The following RPTOR variants were observed in gnomAD, a reference collection of about 807,000 sequenced individuals.
RPTOR encodes regulatory-associated protein of mTOR.
In RPTOR, 21 loss-of-function variants were observed where a neutral mutation model predicts 169.9. The observed-to-expected ratio is 0.12, with a 90% CI of 0.09 to 0.18. The LOEUF (loss-of-function observed/expected upper bound fraction) is 0.18, where lower values mean the gene tolerates loss of function less well. RPTOR is among the 10% of genes least tolerant of loss of function. RPTOR has a pLI of 1.00. For synonymous variants in RPTOR, 732 were observed against 753.2 expected, an observed-to-expected ratio of 0.97 and a Z score of 0.46; for missense variants, 1,133 against 1,855.9, an observed-to-expected ratio of 0.61 and a Z score of 7.16.
At chr17:80,741,371 TA>T (rs1431727320) in intron 5 of RPTOR, among the ~76,000 whole-genome samples, 1 of 152,090 alleles carries the variant, frequency 6.6e-6, no homozygotes, top group Non-Finnish European at 1.5e-5. Context: ...GTGCTTGGAC[TA>T]AGGTGGTAGA....
rs1232151628 is a variant in RPTOR at position 80,820,380 on chromosome 17, C to T, written c.891-1821C>T. Among the ~76,000 whole-genome samples, 12 of 152,220 alleles carry T rather than the reference C, an allele frequency of 7.9e-5. No homozygotes were observed. Among genetic ancestry groups the T allele is most frequent in the African/African-American group, 2.9e-4 (12 of 41,452 alleles). On this transcript the variant is annotated intron_variant, in intron 7 of 33. Coordinates refer to ENST00000306801, the MANE Select transcript of RPTOR (RefSeq NM_020761.3). This position sits in a 1 kb window ranked among gnomAD's most constrained non-coding sequence, Gnocchi z 4.1. ...GTGTTGGGGCTCCATGTCCACCCCA[C>T]GATGCCCCCCGTGCCCCTTCTCCGT...
chr17:80,858,356 G>T (rs2067879109), intron 13 of RPTOR, among the ~76,000 whole-genome samples: 3 of 152,244 alleles, frequency 2.0e-5, no homozygotes, highest in Admixed American at 2.0e-4. Flanking sequence ...TGCACAGGTG[G>T]TCTGGGCCAG....
chr17:80,553,818 T>C (rs767722012), intron 1 of RPTOR, among the ~76,000 whole-genome samples: 15 of 152,070 alleles, frequency 9.9e-5, no homozygotes, highest in Non-Finnish European at 1.8e-4. Flanking sequence ...CTCGGCTCAC[T>C]GCAACCTCCG....
intron 17 of RPTOR, among the ~76,000 whole-genome samples, chr17:80,889,655 A>G (rs1042580865): frequency 5.3e-5 from 8 of 152,178 alleles, no homozygotes; most frequent in African/African-American, 1.9e-4. Context: ...AATATCCTAA[A>G]GAAGGCCAGT....
Position 80,730,760 on chromosome 17 carries a change from G to GGGGTGGGGTTT in RPTOR, c.654+63_654+73dup. The GGGGTGGGGTTT allele has an allele frequency of 6.6e-7, 1 of 1,518,494 alleles. No homozygotes were observed. The highest frequency in any genetic ancestry group is 1.1e-5 in the South Asian group (1 of 88,704). 94.1% of individuals were successfully genotyped at this position (1,518,494 alleles called of 1,614,324 possible). A position where few individuals can be genotyped will look rare whatever the true frequency, so the allele number is the denominator to read the frequency against. ...GCTGGGTTTGGTTTTGTTTTCCCTGGGGGTGGGGTTTGGGTGGGGAGGTTG... is the reference window on the plus strand; with the variant it reads ...GCTGGGTTTGGTTTTGTTTTCCCTGGGGGTGGGGTTTGGGTGGGGTTTGGGTGGGGAGGTTG... On this transcript the variant is annotated intron_variant, in intron 5 of 33. Coordinates refer to ENST00000306801, the MANE Select transcript of RPTOR (RefSeq NM_020761.3). The surrounding 1 kb of genome is among the most constrained non-coding windows in gnomAD (Gnocchi z 4.2).
chr17:80,626,903 C>G (rs1056673505), intron 2 of RPTOR, among the ~76,000 whole-genome samples: 10 of 151,724 alleles, frequency 6.6e-5, no homozygotes, highest in African/African-American at 2.4e-4. Flanking sequence ...TCTCTAGAAC[C>G]TTTTCACCAT....
intron 7 of RPTOR, among the ~76,000 whole-genome samples, chr17:80,816,774 G>A (rs557172782): frequency 5.9e-5 from 9 of 152,306 alleles, no homozygotes; most frequent in African/African-American, 1.9e-4. Flanking sequence ...AGGAGCCTAC[G>A]GGGGCCAAGG....
At chr17:80,698,485 T>C (rs777075708) in intron 3 of RPTOR, among the ~76,000 whole-genome samples, 2 of 152,184 alleles carry the variant, frequency 1.3e-5, no homozygotes, top group African/African-American at 4.8e-5. Context: ...ATTCCAGCCA[T>C]TGATCCACAT....
At chr17:80,950,363 C>T (rs974082805) in intron 28 of RPTOR, among the ~76,000 whole-genome samples, 1 of 152,196 alleles carries the variant, frequency 6.6e-6, no homozygotes, top group Non-Finnish European at 1.5e-5. Context: ...CCGTGTGGGG[C>T]CTGCCCTGGT....
chr17:80,668,209 C>T (rs1013531588), intron 3 of RPTOR, among the ~76,000 whole-genome samples: 2 of 152,166 alleles, frequency 1.3e-5, no homozygotes, highest in African/African-American at 4.8e-5. Context: ...CTAGTGAGTT[C>T]TTTTGGGTTC....
At chr17:80,946,792 G>A (rs1454247539) in intron 26 of RPTOR, among the ~76,000 whole-genome samples, 2 of 152,246 alleles carry the variant, frequency 1.3e-5, no homozygotes, top group Non-Finnish European at 2.9e-5. Context: ...TGGTGTACAA[G>A]TATCTGTTCA....
intron 3 of RPTOR, among the ~76,000 whole-genome samples, chr17:80,698,050 G>A (rs2066052061): frequency 6.6e-6 from 1 of 152,176 alleles, no homozygotes. Context: ...GGGCCAGCGA[G>A]TAGACAAGGA....
intron 13 of RPTOR, among the ~76,000 whole-genome samples, chr17:80,879,888 A>G (rs2143827776): frequency 6.6e-6 from 1 of 152,360 alleles, no homozygotes; most frequent in African/African-American, 2.4e-5. Flanking sequence ...CTGAGGGTGA[A>G]CAAGTGGGGC....
rs777396934 is a variant in RPTOR, at chr17:80,962,462, G to A, written c.3694G>A (p.Val1232Ile). 17 of 1,613,422 alleles carry A rather than the reference G, an allele frequency of 1.1e-5. No individual in the cohort carries two copies. The highest frequency in any genetic ancestry group is 4.5e-5 in the East Asian group (2 of 44,882). Residue 1232 changes from valine to isoleucine, a missense_variant and splice_region_variant, in exon 32 of 34, where the codon GTC (valine) becomes ATC (isoleucine). Coordinates refer to ENST00000306801, the MANE Select transcript of RPTOR (RefSeq NM_020761.3). ...RPDGHIVSVS[V>I]NGDVRIFDPR... ...GTCACTGTGACCCTCTCTTGGCAGC[G>A]TCAATGGAGATGTGCGCATCTTTGA...
At chr17:80,763,633 A>G (rs192116284) in intron 6 of RPTOR, among the ~76,000 whole-genome samples, 1 of 152,356 alleles carries the variant, frequency 6.6e-6, no homozygotes, top group African/African-American at 2.4e-5. Context: ...TCACAGAGGC[A>G]CACAGGACCA....
intron 3 of RPTOR, among the ~76,000 whole-genome samples, chr17:80,703,889 G>C (rs2066122154): frequency 6.6e-6 from 1 of 152,208 alleles, no homozygotes. Context: ...AATGGGATGT[G>C]GCCTGCTGCT....
intron 24 of RPTOR, among the ~76,000 whole-genome samples, chr17:80,934,557 C>T (rs1352715537): frequency 6.6e-6 from 1 of 152,150 alleles, no homozygotes; most frequent in East Asian, 1.9e-4. Flanking sequence ...TGGGGACTCG[C>T]TATGTTGCTC....
At position 80,965,338 on chromosome 17, in the gene RPTOR, GGTC is replaced by G; in HGVS notation, c.*1009_*1011del. The stretch of plus-strand genomic sequence containing the variant: ...CACATACAGGCAAGAGGCACTGCCG[GGTC>G]CCGGACGGCTCCGGGTGACACCAGC... On this transcript the variant is annotated 3_prime_UTR_variant, in exon 34 of 34. Transcript: ENST00000306801. 4.3e-6 allele frequency: 1 copy of G among 233,282 alleles called. No homozygotes were observed. Among genetic ancestry groups the G allele is most frequent in the Non-Finnish European group, 8.5e-6 (1 of 118,040 alleles). 14.5% of individuals were successfully genotyped at this position (233,282 alleles called of 1,614,324 possible).
intron 1 of RPTOR, among the ~76,000 whole-genome samples, chr17:80,592,108 GTTTTATTTGTCT>G (rs2065112166): frequency 6.6e-6 from 1 of 152,090 alleles, no homozygotes; most frequent in African/African-American, 2.4e-5. Context: ...TTCCCACTGG[GTTTTATTTGTCT>G]CTCTCATTTG....
Sources: allele counts gnomAD v4.1 joint callset (sites outside exome capture counted in the v4.1 genomes callset), GRCh38; gene constraint gnomAD v4.1.1; non-coding constraint Gnocchi (gnomAD v3.1); transcripts MANE v1.5; gene names NCBI Gene and HGNC (gene_info 2026-07-23, HGNC 2026-07-21).